The following EYS variants were observed in gnomAD, a reference collection of about 807,000 sequenced individuals.
EYS encodes the protein EGF-like photoreceptor maintenance factor, also known as protein eyes shut homolog.
A neutral mutation model predicts 282.1 loss-of-function variants in EYS; 250 were observed. That is an observed-to-expected ratio of 0.89 (90% confidence interval 0.80 to 0.98). EYS has a LOEUF of 0.98. EYS is among the 50% of genes least tolerant of loss of function. EYS has a pLI of 0.00. For missense variants in EYS, 4,016 were observed against 3,709.0 expected, an observed-to-expected ratio of 1.08 and a Z score of -2.15; for synonymous variants, 1,355 against 1,282.9, an observed-to-expected ratio of 1.06 and a Z score of -1.20.
At chr6:64,343,181 G>A (rs1406772180) in intron 29 of EYS, among the ~76,000 whole-genome samples, 2 of 152,004 alleles carry the variant, frequency 1.3e-5, no homozygotes, top group Non-Finnish European at 2.9e-5. Context: ...CCCAGGAATT[G>A]AACTCAGCTC....
chr6:64,696,935 G>C (rs1016012404), intron 22 of EYS, among the ~76,000 whole-genome samples: 1 of 151,960 alleles, frequency 6.6e-6, no homozygotes, highest in Admixed American at 6.6e-5. Flanking sequence ...TTACACAAAG[G>C]AGGAAGATAA....
intron 23 of EYS, among the ~76,000 whole-genome samples, chr6:64,619,257 C>T (rs1477893011): frequency 6.6e-6 from 1 of 152,110 alleles, no homozygotes; most frequent in Non-Finnish European, 1.5e-5. Context: ...ATTAAAATGA[C>T]ATAGTTTTCC....
intron 2 of EYS, among the ~76,000 whole-genome samples, chr6:65,574,879 T>C (rs917461281): frequency 6.6e-6 from 1 of 152,150 alleles, no homozygotes; most frequent in African/African-American, 2.4e-5. Flanking sequence ...ACAAAAGAAG[T>C]CTTAACAAAT....
chr6:64,093,112 T>C (rs200746596), intron 31 of EYS, among the ~76,000 whole-genome samples: 6,292 of 152,086 alleles, frequency 0.041, 380 homozygotes, highest in African/African-American at 0.13. Flanking sequence ...CATTGGTCTA[T>C]ATCTCTGTTT....
intron 31 of EYS, among the ~76,000 whole-genome samples, chr6:64,095,499 C>T (rs879717818): frequency 5.9e-5 from 9 of 152,042 alleles, no homozygotes; most frequent in Non-Finnish European, 1.3e-4. Context: ...ATCCCTTTAC[C>T]ATTATGTAAT....
At chr6:64,791,624 T>C (rs1774194361) in intron 22 of EYS, among the ~76,000 whole-genome samples, 2 of 151,910 alleles carry the variant, frequency 1.3e-5, no homozygotes, top group African/African-American at 2.4e-5. Context: ...GAATCAGTGA[T>C]GAATTAATTG....
intron 41 of EYS, among the ~76,000 whole-genome samples, chr6:63,732,624 C>T (rs529206730): frequency 6.6e-6 from 1 of 152,266 alleles, no homozygotes; most frequent in South Asian, 2.1e-4. Flanking sequence ...AAAATGATCA[C>T]TTTGTGGTGA....
chr6:64,629,917 G>T (rs1767725898), intron 22 of EYS, among the ~76,000 whole-genome samples: 1 of 152,038 alleles, frequency 6.6e-6, no homozygotes, highest in African/African-American at 2.4e-5. Context: ...GCACTCAGTA[G>T]GACTTCTAGT....
At position 65,452,215 on chromosome 6, in the gene EYS, A is replaced by T. The variant is rs191919370; in HGVS notation, c.862+38379T>A. Among the ~76,000 whole-genome samples the T allele has an allele frequency of 1.1e-3, 170 of 152,000 alleles. 1 individual carries two copies. Among genetic ancestry groups the T allele is most frequent in the Non-Finnish European group, 2.0e-3 (137 of 67,814 alleles). On this transcript the variant is annotated intron_variant, in intron 5 of 42. Coordinates refer to ENST00000503581, the MANE Select transcript of EYS (RefSeq NM_001142800.2). The stretch of plus-strand genomic sequence containing the variant: ...TATAATAAAACTTTCTAATAGTAAG[A>T]TTATCAGCCTAAAATTTAAGGGATA...
At chr6:63,778,699 T>C (rs1178002904) in intron 39 of EYS, among the ~76,000 whole-genome samples, 1 of 152,144 alleles carries the variant, frequency 6.6e-6, no homozygotes, top group Non-Finnish European at 1.5e-5. Flanking sequence ...TTATTTTTAG[T>C]ACATATTTCT....
At chr6:64,075,885 C>T (rs1214392085) in intron 32 of EYS, among the ~76,000 whole-genome samples, 2 of 151,942 alleles carry the variant, frequency 1.3e-5, no homozygotes, top group Non-Finnish European at 2.9e-5. Context: ...TAATGAATCA[C>T]ATAATTCTAG....
At chr6:65,216,992 A>G (rs1402015141) in intron 12 of EYS, among the ~76,000 whole-genome samples, 1 of 152,110 alleles carries the variant, frequency 6.6e-6, no homozygotes, top group Admixed American at 6.6e-5. Context: ...TAATCAATTA[A>G]TCAACCTCTC....
chr6:64,591,546 G>T lies in EYS; in HGVS notation c.4321C>A (p.Gln1441Lys). ...AGGAATCCACGGGAGAGTAATGACT[G>T]CCTGTTTAGCTCAATATCAGCCCCT... is the stretch of plus-strand genomic sequence containing the variant. Reference protein sequence around the residue: ...IPGADIELNRQSLLSRGFLLI... With the variant: ...IPGADIELNRKSLLSRGFLLI... The change falls in exon 26 of 43, where the codon CAG (glutamine) becomes AAG (lysine). Residue 1441 changes from glutamine (Q) to lysine (K), a missense_variant. Physicochemically the swap from Gln to Lys is moderately conservative, Grantham distance 53 (BLOSUM62 1). Transcript: ENST00000503581. The T allele has an allele frequency of 6.4e-7, 1 of 1,551,222 alleles. No individual in the cohort carries two copies. Among genetic ancestry groups the T allele is most frequent in the Non-Finnish European group, 8.7e-7 (1 of 1,146,734 alleles).
chr6:65,228,119 TAA>T (rs1051134678), intron 12 of EYS, among the ~76,000 whole-genome samples: 1 of 152,116 alleles, frequency 6.6e-6, no homozygotes, highest in Non-Finnish European at 1.5e-5. Flanking sequence ...GATGCATCCA[TAA>T]AAAGTCTATA....
chr6:64,479,634 G>A (rs1283609821), intron 26 of EYS, among the ~76,000 whole-genome samples: 3 of 151,820 alleles, frequency 2.0e-5, no homozygotes, highest in East Asian at 1.9e-4. Flanking sequence ...TTAGTCTACA[G>A]TACTATTCCT....
chr6:65,298,208 A>T (rs1006869366), intron 11 of EYS, among the ~76,000 whole-genome samples: 1 of 152,054 alleles, frequency 6.6e-6, no homozygotes, highest in African/African-American at 2.4e-5. Context: ...AGCTTACGGC[A>T]TTGAGAATAT....
chr6:64,313,079 T>G (rs532910462), intron 29 of EYS, among the ~76,000 whole-genome samples: 1 of 152,226 alleles, frequency 6.6e-6, no homozygotes, highest in East Asian at 1.9e-4. Context: ...AATAACAAAC[T>G]CCTCTGAGCT....
At chr6:64,397,434 G>C (rs78660968) in intron 28 of EYS, among the ~76,000 whole-genome samples, 53 of 151,950 alleles carry the variant, frequency 3.5e-4, no homozygotes, top group African/African-American at 1.3e-3. Context: ...AATTTTCTTT[G>C]TGTTTTCTTT....
intron 29 of EYS, among the ~76,000 whole-genome samples, chr6:64,310,078 A>AAAAAAAAAAAAAAAAC (rs1554142131): frequency 2.1e-5 from 3 of 145,194 alleles, no homozygotes; most frequent in African/African-American, 7.8e-5. Context: ...ATAAAAAAAA[A>AAAAAAAAAAAAAAAAC]AATAACAGAT....
Sources: gnomAD v4.1 joint callset for allele counts (sites outside exome capture counted in the v4.1 genomes callset) on GRCh38, gnomAD v4.1.1 for gene constraint, MANE v1.5 for transcripts, NCBI Gene and HGNC (gene_info 2026-07-23, HGNC 2026-07-21) for gene names.